UTRN: variants seen among roughly 807,000 people sequenced by gnomAD.
The protein encoded by UTRN is dystrophin-related protein 1.
Under a neutral mutation model 463.9 loss-of-function variants are expected in UTRN, and 283 were observed. The observed-to-expected ratio is 0.61, with a 90% CI of 0.55 to 0.67. The LOEUF is 0.67. UTRN is among the 30% of genes least tolerant of loss of function. UTRN has a pLI of 0.00. For missense variants in UTRN, 3,922 were observed against 4,084.3 expected (o/e 0.96, Z 1.08); for synonymous variants, 1,442 against 1,431.5 (o/e 1.01, Z -0.17).
intron 51 of UTRN, among the ~76,000 whole-genome samples, chr6:144,671,878 A>C (rs1197993144): frequency 1.3e-5 from 2 of 152,054 alleles, no homozygotes; most frequent in East Asian, 3.9e-4. Context: ...GGGATGCTGG[A>C]TTTTGTTAAT....
intron 35 of UTRN, among the ~76,000 whole-genome samples, chr6:144,511,428 G>A (rs1233560907): frequency 5.3e-5 from 8 of 152,064 alleles, no homozygotes; most frequent in Admixed American, 4.6e-4. Flanking sequence ...CGTACTATCA[G>A]AAGCTATTTT....
intron 73 of UTRN, among the ~76,000 whole-genome samples, chr6:144,843,378 A>G (rs1781757501): frequency 6.6e-6 from 1 of 152,074 alleles, no homozygotes; most frequent in African/African-American, 2.4e-5. Context: ...TTACTCTTAA[A>G]TTTTTCTCAA....
chr6:144,531,716 G>T (rs1797076108), intron 42 of UTRN, among the ~76,000 whole-genome samples: 1 of 151,986 alleles, frequency 6.6e-6, no homozygotes, highest in South Asian at 2.1e-4. Context: ...TAAAAATAAT[G>T]GTAGAAAGCA....
chr6:144,321,627 G>A (rs1384270403), intron 2 of UTRN, among the ~76,000 whole-genome samples: 1 of 151,628 alleles, frequency 6.6e-6, no homozygotes, highest in Non-Finnish European at 1.5e-5. Context: ...GTACCACCAT[G>A]CCCGGCTAAT....
intron 2 of UTRN, among the ~76,000 whole-genome samples, chr6:144,400,750 C>A (rs1215029397): frequency 6.6e-6 from 1 of 152,040 alleles, no homozygotes; most frequent in East Asian, 1.9e-4. Context: ...ATTTTTGAAA[C>A]ATTTGGATGT....
At chr6:144,440,704 C>T (rs1787066917) in intron 13 of UTRN, among the ~76,000 whole-genome samples, 1 of 152,142 alleles carries the variant, frequency 6.6e-6, no homozygotes, top group African/African-American at 2.4e-5. Context: ...GTTGCAGTCC[C>T]CAGCTTCCTT....
intron 45 of UTRN, among the ~76,000 whole-genome samples, chr6:144,541,565 A>G (rs1797976682): frequency 6.6e-6 from 1 of 152,254 alleles, no homozygotes; most frequent in Admixed American, 6.5e-5. Flanking sequence ...GGGAAATTCT[A>G]ACATGGTTTA....
intron 2 of UTRN, among the ~76,000 whole-genome samples, chr6:144,331,980 A>T (rs909182288): frequency 1.3e-5 from 2 of 152,208 alleles, no homozygotes; most frequent in African/African-American, 2.4e-5. Flanking sequence ...TCATTGCCCC[A>T]TCCAGCCACA....
chr6:144,846,438 G>GAATT (rs1782019272), intron 73 of UTRN, among the ~76,000 whole-genome samples: 2 of 152,178 alleles, frequency 1.3e-5, no homozygotes, highest in Non-Finnish European at 2.9e-5. Flanking sequence ...CCCTTGGTCA[G>GAATT]AATTAGTACT....
chr6:144,436,911 A>G (rs1681226787), intron 10 of UTRN, among the ~76,000 whole-genome samples: 1 of 143,144 alleles, frequency 7.0e-6, no homozygotes, highest in Non-Finnish European at 1.5e-5. Context: ...ATCTATTTAT[A>G]TATTATATAT....
intron 51 of UTRN, among the ~76,000 whole-genome samples, chr6:144,598,604 G>T (rs1803898108): frequency 1.3e-5 from 2 of 152,284 alleles, no homozygotes; most frequent in South Asian, 4.1e-4. Flanking sequence ...AGACAGCTTT[G>T]CAGGGGTATT....
chr6:144,669,958 T>TGG (rs1780832352), intron 51 of UTRN, among the ~76,000 whole-genome samples: 1 of 12,138 alleles, frequency 8.2e-5, no homozygotes. Flanking sequence ...TATTCCATGG[T>TGG]GTGTGTGTGT....
In UTRN at chr6:144,471,595, C is replaced by T. The variant is rs183983577; in HGVS notation, c.3067-2125C>T. Among the ~76,000 whole-genome samples, 38 of 152,308 alleles carry T rather than the reference C, an allele frequency of 2.5e-4. No individual in the cohort carries two copies. The East Asian group carries it at 6.6e-3, about 26-fold the overall frequency. On this transcript the variant is annotated intron_variant, in intron 23 of 74. Transcript: ENST00000367545. The stretch of plus-strand genomic sequence containing the variant: ...TCTTTTTTGGATGCCCCACTCTACC[C>T]GTCCTGAGCATGTCTTCCCAAGAAG...
chr6:144,792,784 T>C (rs1190783054), intron 62 of UTRN, among the ~76,000 whole-genome samples: 1 of 152,144 alleles, frequency 6.6e-6, no homozygotes, highest in Non-Finnish European at 1.5e-5. Context: ...TTCTTCCTCT[T>C]CCAAAAGTAA....
chr6:144,824,940 C>T (rs147620345), intron 66 of UTRN, among the ~76,000 whole-genome samples: 121 of 152,024 alleles, frequency 8.0e-4, no homozygotes, highest in South Asian at 3.3e-3. Context: ...CATGACACCA[C>T]GCACAGCTAA....
chr6:144,601,026 G>C (rs959290513), intron 51 of UTRN, among the ~76,000 whole-genome samples: 4 of 152,152 alleles, frequency 2.6e-5, no homozygotes, highest in East Asian at 1.9e-4. Flanking sequence ...CCTGTTTGCA[G>C]CATGATTTAA....
intron 2 of UTRN, among the ~76,000 whole-genome samples, chr6:144,352,925 T>C (rs956137703): frequency 2.0e-5 from 3 of 152,102 alleles, no homozygotes; most frequent in Non-Finnish European, 4.4e-5. Context: ...TTCTCATCTA[T>C]TTATGTTTCT....
chr6:144,800,209 C>A (rs999869433), intron 64 of UTRN, among the ~76,000 whole-genome samples: 1 of 152,058 alleles, frequency 6.6e-6, no homozygotes, highest in Non-Finnish European at 1.5e-5. Flanking sequence ...ATTTGAATGA[C>A]CTTTAAAGTT....
intron 52 of UTRN, among the ~76,000 whole-genome samples, chr6:144,690,090 TTTTTTTGTG>T (rs1457613903): frequency 1.8e-4 from 10 of 56,874 alleles, no homozygotes; most frequent in Admixed American, 1.3e-3. Context: ...TTTTTTTTTT[TTTTTTTGTG>T]TGTGTGTGTG....
Sources: allele counts gnomAD v4.1 joint callset (sites outside exome capture counted in the v4.1 genomes callset), GRCh38; gene constraint gnomAD v4.1.1; transcripts MANE v1.5; gene names NCBI Gene and HGNC (gene_info 2026-07-23, HGNC 2026-07-21).